Variants in CDH12 observed in about 807,000 individuals in gnomAD.
CDH12 encodes cadherin-12.
Under a neutral mutation model 74.1 loss-of-function variants are expected in CDH12, and 41 were observed. That is an observed-to-expected ratio of 0.55 (90% CI 0.43 to 0.72). The LOEUF (loss-of-function observed/expected upper bound fraction) is 0.72. Among genes scored for constraint, CDH12 ranks in the 30% least tolerant of loss-of-function variants. CDH12 has a pLI of 0.00. For missense variants in CDH12, 945 were observed against 977.2 expected (o/e 0.97, Z 0.44); for synonymous variants, 399 against 355.0 (o/e 1.12, Z -1.39).
At chr5:21,811,551 T>G (rs1747744676) in intron 9 of CDH12, among the ~76,000 whole-genome samples, 1 of 152,060 alleles carries the variant, frequency 6.6e-6, no homozygotes. Context: ...TCATTTAGGT[T>G]TTCACTAAGA....
chr5:21,808,343 C>G lies in CDH12; in HGVS notation c.1003-5923G>C, dbSNP rs1322560913. ...TTGTCCCTTTTTACTTTTTACTCTT[C>G]TGTATTACTTCAATTTTTATAGTAA... On this transcript the variant is annotated intron_variant, in intron 9 of 14. Coordinates refer to ENST00000382254, the MANE Select transcript of CDH12 (RefSeq NM_004061.5). 2.0e-5 allele frequency among the ~76,000 whole-genome samples: 3 copies of G among 152,126 alleles called. No homozygotes were observed. In the East Asian group the frequency reaches 5.8e-4, roughly 29 times the overall value.
chr5:22,756,021 C>A (rs533235868), intron 1 of CDH12, among the ~76,000 whole-genome samples: 1 of 147,928 alleles, frequency 6.8e-6, no homozygotes, highest in Admixed American at 6.9e-5. Context: ...TGCTGTAAAT[C>A]TCCCCTGAAA....
chr5:22,137,068 T>A (rs1046718860), intron 4 of CDH12, among the ~76,000 whole-genome samples: 5 of 151,644 alleles, frequency 3.3e-5, no homozygotes, highest in African/African-American at 1.2e-4. Flanking sequence ...TATCTCTCTA[T>A]GAAATTCTTT....
At chr5:21,806,605 G>C (rs112456845) in intron 9 of CDH12, among the ~76,000 whole-genome samples, 1,898 of 152,230 alleles carry the variant, frequency 0.012, 39 homozygotes, top group African/African-American at 0.043. Context: ...CATTCTGAAG[G>C]CACCTGTATA....
intron 6 of CDH12, among the ~76,000 whole-genome samples, chr5:21,961,940 C>G (rs1420445028): frequency 6.6e-6 from 1 of 152,112 alleles, no homozygotes; most frequent in Non-Finnish European, 1.5e-5. Flanking sequence ...TATTTGCCTA[C>G]TATTTTCTTA....
intron 3 of CDH12, among the ~76,000 whole-genome samples, chr5:22,260,977 A>C (rs1200260054): frequency 6.6e-6 from 1 of 152,072 alleles, no homozygotes; most frequent in East Asian, 1.9e-4. Context: ...ATTATCATAA[A>C]GGCATAAACA....
At position 22,793,672 on chromosome 5, in the gene CDH12, T is replaced by C. The variant is rs755444491; in HGVS notation, c.-523+59386A>G. 4.7e-4 allele frequency among the ~76,000 whole-genome samples: 72 copies of C among 152,156 alleles called. 1 individual carries two copies. Among genetic ancestry groups the C allele is most frequent in the Non-Finnish European group, 7.4e-4 (50 of 68,022 alleles). Reference sequence around the variant, plus strand: ...TATTTAGCAAGAGGATAAGCTGCTATGATATAGTCTTAAAAATGTTTGCAT... The same window carrying C: ...TATTTAGCAAGAGGATAAGCTGCTACGATATAGTCTTAAAAATGTTTGCAT... On this transcript the variant is annotated intron_variant, in intron 1 of 14. Transcript: ENST00000382254.
rs140182122 is a variant in CDH12 at position 22,488,821 on chromosome 5, T to C, written c.-428+16449A>G. On this transcript the variant is annotated intron_variant, in intron 2 of 14. Transcript: ENST00000382254. ...AAAGATTCATTTGGCCACATTTGCCTCTTGCACCCTCTATCTACTGGCCAA... is the reference window on the plus strand; with the variant it reads ...AAAGATTCATTTGGCCACATTTGCCCCTTGCACCCTCTATCTACTGGCCAA... 1.3e-3 allele frequency among the ~76,000 whole-genome samples: 194 copies of C among 152,092 alleles called. 6 individuals are homozygous for C. In the East Asian group the frequency reaches 0.037, roughly 29 times the overall value.
chr5:22,412,806 C>G (rs1241468833), intron 2 of CDH12, among the ~76,000 whole-genome samples: 2 of 151,962 alleles, frequency 1.3e-5, no homozygotes, highest in Non-Finnish European at 2.9e-5. Flanking sequence ...AAGGACATTT[C>G]CTCCACCTGT....
intron 3 of CDH12, among the ~76,000 whole-genome samples, chr5:22,374,990 T>G (rs1164363536): frequency 6.6e-6 from 1 of 151,832 alleles, no homozygotes; most frequent in East Asian, 1.9e-4. Flanking sequence ...AGACACCAAA[T>G]AGTCAAAGCA....
intron 1 of CDH12, among the ~76,000 whole-genome samples, chr5:22,537,806 T>G (rs1453104610): frequency 6.6e-6 from 1 of 152,262 alleles, no homozygotes; most frequent in East Asian, 1.9e-4. Flanking sequence ...TGTGACTGTT[T>G]AGCCACTTTT....
intron 4 of CDH12, among the ~76,000 whole-genome samples, chr5:22,132,578 G>A (rs1746231744): frequency 6.6e-6 from 1 of 151,848 alleles, no homozygotes; most frequent in South Asian, 2.1e-4. Context: ...AACAGGAGGG[G>A]GAAACGGGGA....
intron 4 of CDH12, among the ~76,000 whole-genome samples, chr5:22,196,057 G>A (rs1750598521): frequency 6.6e-6 from 1 of 151,858 alleles, no homozygotes; most frequent in African/African-American, 2.4e-5. Flanking sequence ...CAGAAGTTTT[G>A]GTAGAAATAG....
Position 21,751,661 on chromosome 5 carries a change from T to G in CDH12, c.*76A>C. 1 of 1,082,422 alleles carries G rather than the reference T, an allele frequency of 9.2e-7. No individual in the cohort carries two copies. Among genetic ancestry groups the G allele is most frequent in the Non-Finnish European group, 1.3e-6 (1 of 741,618 alleles). The allele number at this position is 1,082,422 out of a possible 1,614,324, so 67.1% of individuals were successfully genotyped here. On this transcript the variant is annotated 3_prime_UTR_variant, in exon 15 of 15. Coordinates refer to ENST00000382254, the MANE Select transcript of CDH12 (RefSeq NM_004061.5). ...GTGTGTGTGTGTGTGTGAGAGAGAT[T>G]TCTATTAATATTTGTGTTTCTTTTT...
chr5:22,742,946 G>A (rs1204189290), intron 1 of CDH12, among the ~76,000 whole-genome samples: 2 of 151,768 alleles, frequency 1.3e-5, no homozygotes, highest in East Asian at 1.9e-4. Context: ...AAGACTGGGT[G>A]AGCAGATTGT....
intron 3 of CDH12, among the ~76,000 whole-genome samples, chr5:22,223,312 T>C (rs1345591234): frequency 6.6e-6 from 1 of 152,018 alleles, no homozygotes; most frequent in East Asian, 1.9e-4. Flanking sequence ...GTCAAGTTGC[T>C]CTATAATGAG....
At chr5:22,124,188 G>A (rs1376614437) in intron 4 of CDH12, among the ~76,000 whole-genome samples, 4 of 151,498 alleles carry the variant, frequency 2.6e-5, no homozygotes, top group Admixed American at 6.6e-5. Context: ...ACAGAGTCTC[G>A]CTTCGTCGCC....
At chr5:22,493,684 T>A (rs1452012342) in intron 2 of CDH12, among the ~76,000 whole-genome samples, 1 of 152,100 alleles carries the variant, frequency 6.6e-6, no homozygotes, top group Non-Finnish European at 1.5e-5. Context: ...GAGAAAGCCA[T>A]TCCATTAAGA....
At chr5:22,377,373 G>A (rs990889322) in intron 3 of CDH12, among the ~76,000 whole-genome samples, 1 of 152,134 alleles carries the variant, frequency 6.6e-6, no homozygotes, top group East Asian at 1.9e-4. Context: ...CGCCAATGAC[G>A]CAGGTTCTCC....
Sources: gnomAD v4.1 joint callset for allele counts (sites outside exome capture counted in the v4.1 genomes callset) on GRCh38, gnomAD v4.1.1 for gene constraint, MANE v1.5 for transcripts, NCBI Gene and HGNC (gene_info 2026-07-23, HGNC 2026-07-21) for gene names.